The following EP400 variants were observed in gnomAD, a reference collection of about 807,000 sequenced individuals.
EP400 encodes E1A binding protein p400, also known as E1A-binding protein p400.
Under a neutral mutation model 354.1 loss-of-function variants are expected in EP400, and 105 were observed. The observed-to-expected ratio is 0.30, with a 90% CI of 0.25 to 0.35. The LOEUF is 0.35. Ranked by LOEUF, EP400 falls within the 10% of genes least tolerant of loss-of-function variation. The probability of loss-of-function intolerance (pLI) is 1.00; values close to 1 mark genes in which losing one functional copy is unlikely to be tolerated. For synonymous variants in EP400, 1,646 were observed against 1,716.9 expected (o/e 0.96, Z 1.02); for missense variants, 3,280 against 4,121.0 (o/e 0.80, Z 5.59).
rs541195428 is a variant in EP400, at chr12:132,036,275, C to G, written c.5952-1407C>G. Among the ~76,000 whole-genome samples the G allele has an allele frequency of 1.3e-4, 19 of 150,894 alleles. No homozygotes were observed. The East Asian group carries it at 3.7e-3, about 29-fold the overall frequency. On this transcript the variant is annotated intron_variant, in intron 30 of 52. Coordinates refer to ENST00000389561, the MANE Select transcript of EP400 (RefSeq NM_015409.5). ...TTCACACGGAACGTCGTGGGAAGGACACACCCAGGTTCGCACGGAATGTCG... is the reference window on the plus strand; with the variant it reads ...TTCACACGGAACGTCGTGGGAAGGAGACACCCAGGTTCGCACGGAATGTCG...
At chr12:131,953,374 A>G (rs1229744439) in intron 1 of EP400, among the ~76,000 whole-genome samples, 1 of 152,214 alleles carries the variant, frequency 6.6e-6, no homozygotes, top group Non-Finnish European at 1.5e-5. Context: ...GCTGAAATAG[A>G]TCCCACCTGT....
At chr12:132,016,728 G>T (rs1040063716) in intron 19 of EP400, among the ~76,000 whole-genome samples, 3 of 152,176 alleles carry the variant, frequency 2.0e-5, no homozygotes, top group African/African-American at 7.2e-5. Context: ...ACCTGCACTT[G>T]AGCTGACCCT....
At chr12:132,055,455 GGTGTGTGT>G (rs138515650) in intron 45 of EP400, among the ~76,000 whole-genome samples, 6 of 140,750 alleles carry the variant, frequency 4.3e-5, no homozygotes, top group South Asian at 2.4e-4. Context: ...GTGGTGTAGG[GGTGTGTGT>G]GTGTGTGTGT....
At chr12:131,976,517 G>C (rs1892479061) in intron 2 of EP400, among the ~76,000 whole-genome samples, 1 of 152,082 alleles carries the variant, frequency 6.6e-6, no homozygotes, top group Non-Finnish European at 1.5e-5. Context: ...TTTGAGACCA[G>C]CCTGGCCAAT....
chr12:132,030,054 T>C lies in EP400; in HGVS notation c.5650T>C (p.Leu1884=). 1 of 1,614,250 alleles carries C rather than the reference T, an allele frequency of 6.2e-7. No homozygotes were observed. The highest frequency in any genetic ancestry group is 1.1e-5 in the South Asian group (1 of 91,088). The change falls in exon 29 of 53, where the codon TTA becomes CTA. Residue 1884 remains leucine, a synonymous_variant. Coordinates refer to ENST00000389561, the MANE Select transcript of EP400 (RefSeq NM_015409.5). ...LKSEGRRVLI[L]SQMILMLDIL... ...ATCTGAAGGACGTCGGGTGCTGATT[T>C]TATCACAGATGATTCTTATGTTGGA... is the stretch of plus-strand genomic sequence containing the variant.
intron 7 of EP400, 93 bp downstream of exon 7, chr12:131,987,983 CTTTT>C (rs778740521): frequency 0.015 from 3,968 of 264,204 alleles, no homozygotes; most frequent in Middle Eastern, 0.027. Flanking sequence ...TCCAGACCCA[CTTTT>C]TTTTTTTTTT....
chr12:131,994,889 TGAA>T lies in EP400; in HGVS notation c.2763_2765del (p.Glu924del). 6.2e-7 allele frequency: 1 copy of T among 1,614,060 alleles called. No individual in the cohort carries two copies. On this transcript the variant is annotated inframe_deletion, in exon 12 of 53. Transcript: ENST00000389561. This position sits in a 1 kb window ranked among gnomAD's most constrained non-coding sequence, Gnocchi z 4.6. ...TAGTGGACGATGAAGAGGAAACAAT[TGAA>T]GAGGAGGAAGCAAATGAAGGCGTTG...
At chr12:132,011,354 G>A (rs1224709055) in intron 15 of EP400, 144 bp from the exon 16 acceptor site, 14 of 1,012,552 alleles carry the variant, frequency 1.4e-5, no homozygotes, top group Non-Finnish European at 1.9e-5. Flanking sequence ...GAATGCACTT[G>A]TTCCCCCCCA....
At chr12:131,953,835 G>A (rs1891600937) in intron 1 of EP400, among the ~76,000 whole-genome samples, 1 of 152,212 alleles carries the variant, frequency 6.6e-6, no homozygotes. Flanking sequence ...GTGGTTGGCT[G>A]GGTGGGGTGG....
chr12:132,077,571 C>A lies in EP400; in HGVS notation c.9270C>A (p.Ala3090=). ...PLQTPGAPNP[A]QVPASSDSPS... ...AGACTCCAGGCGCTCCCAACCCAGC[C>A]CAGGTGCCCGCCAGCTCCGACAGCC... Residue 3090 remains alanine, a synonymous_variant, in exon 53 of 53, where the codon GCC becomes GCA. Transcript: ENST00000389561. 1 of 1,613,906 alleles carries A rather than the reference C, an allele frequency of 6.2e-7. No individual in the cohort carries two copies. The highest frequency in any genetic ancestry group is 1.1e-5 in the South Asian group (1 of 91,074).
In EP400 at chr12:132,062,632, G is replaced by T; in HGVS notation, c.8265G>T (p.Val2755=). ...AACAGACGACGACGACCTCTCAGGTGCAAGTTCCACAGATCCAGGGCCAGG... is the reference window on the plus strand; with the variant it reads ...AACAGACGACGACGACCTCTCAGGTTCAAGTTCCACAGATCCAGGGCCAGG... ...QQQQTTTTSQ[V]QVPQIQGQAQ... is the part of the protein sequence containing the mutation. The change falls in exon 47 of 53, where the codon GTG becomes GTT. Residue 2755 remains valine (V), a synonymous_variant. Transcript: ENST00000389561. The T allele has an allele frequency of 4.3e-6, 7 of 1,614,074 alleles. No homozygotes were observed. The highest frequency in any genetic ancestry group is 5.9e-6 in the Non-Finnish European group (7 of 1,179,994).
intron 35 of EP400, 92 bp downstream of exon 35, chr12:132,044,403 G>T: frequency 1.3e-6 from 2 of 1,486,996 alleles, no homozygotes; most frequent in East Asian, 4.7e-5. Flanking sequence ...TGTGTACATT[G>T]ACATGAGAAA....
Position 131,986,613 on chromosome 12 carries a change from G to T in EP400, c.2029G>T (p.Gly677Cys). 1 of 1,613,880 alleles carries T rather than the reference G, an allele frequency of 6.2e-7. No individual in the cohort carries two copies. The highest frequency in any genetic ancestry group is 8.5e-7 in the Non-Finnish European group (1 of 1,180,002). Reference protein sequence around the residue: ...TSSLAPVSGSGPGPSPARSSP... With the variant: ...TSSLAPVSGSCPGPSPARSSP... ...GTCCCTCGCGCCTGTGAGTGGCTCC[G>T]GCCCAGGACCCTCCCCTGCTCGATC... Residue 677 changes from glycine to cysteine, a missense_variant, in exon 6 of 53, where the codon GGC becomes TGC. Around this residue, in one of 20 missense-constraint regions of EP400, gnomAD observed 800 missense variants for 840.0 expected, o/e 0.95. Coordinates refer to ENST00000389561, the MANE Select transcript of EP400 (RefSeq NM_015409.5).
rs2136587366 is a variant in EP400, at chr12:132,050,905, T to C, written c.7394+250T>C. On this transcript the variant is annotated intron_variant, in intron 41 of 52. Transcript: ENST00000389561. This position sits in a 1 kb window ranked among gnomAD's most constrained non-coding sequence, Gnocchi z 4.8. ...GCTGGCCCTCAGTGGGGAAAGACGC[T>C]GACAGATGTGATGAGTGTGCCAGGG... 1 of 574,432 alleles carries C rather than the reference T, an allele frequency of 1.7e-6. No homozygotes were observed. Among genetic ancestry groups the C allele is most frequent in the Non-Finnish European group, 3.1e-6 (1 of 321,318 alleles). The allele number at this position is 574,432 out of a possible 1,614,324, so 35.6% of individuals were successfully genotyped here.
At chr12:131,951,092 A>AT (rs1196978627) in intron 1 of EP400, among the ~76,000 whole-genome samples, 4 of 70,650 alleles carry the variant, frequency 5.7e-5, no homozygotes, top group Admixed American at 3.1e-4. Flanking sequence ...TTTTTTTTGG[A>AT]TTTTTAGTAG....
rs754941133 is a variant in EP400 at position 132,067,424 on chromosome 12, G to A, written c.8812G>A (p.Val2938Ile). ...QQLLKLKQQA[V>I]QQQKAIQPQA... ...GCTGCTGAAGCTGAAGCAGCAGGCC[G>A]TCCAGCAGCAGAAGGCCATCCAGCC... is the stretch of plus-strand genomic sequence containing the variant. Residue 2938 changes from valine (V) to isoleucine (I), a missense_variant, in exon 50 of 53, where the codon GTC (valine) becomes ATC (isoleucine). Around this residue, in one of 20 missense-constraint regions of EP400, gnomAD observed 279 missense variants for 386.7 expected, o/e 0.72. Transcript: ENST00000389561. The surrounding 1 kb of genome is among the most constrained non-coding windows in gnomAD (Gnocchi z 5.3). 27 of 1,613,340 alleles carry A rather than the reference G, an allele frequency of 1.7e-5. No individual in the cohort carries two copies. The highest frequency in any genetic ancestry group is 2.2e-5 in the East Asian group (1 of 44,880).
rs1441873296 is a variant in EP400, at chr12:132,067,295, C to A, written c.8750-67C>A. 187 of 1,573,940 alleles carry A rather than the reference C, an allele frequency of 1.2e-4. No individual in the cohort carries two copies. Among genetic ancestry groups the A allele is most frequent in the Non-Finnish European group, 1.6e-4 (182 of 1,157,474 alleles). ...TTCTGTAGAGGTGAGTCAGTTGGAA[C>A]AGAGCTTGGCGTGAGCCTCAAGCTC... On this transcript the variant is annotated intron_variant, in intron 49 of 52. Transcript: ENST00000389561. The surrounding 1 kb of genome is among the most constrained non-coding windows in gnomAD (Gnocchi z 5.3).
intron 39 of EP400, among the ~76,000 whole-genome samples, chr12:132,046,251 A>G (rs1280388503): frequency 6.6e-6 from 1 of 152,122 alleles, no homozygotes; most frequent in Non-Finnish European, 1.5e-5. Context: ...GGCCATATAT[A>G]TATACATTTT....
intron 15 of EP400, 151 bp from the exon 16 acceptor site, chr12:132,011,347 T>C (rs963700396): frequency 6.4e-6 from 6 of 936,196 alleles, no homozygotes; most frequent in Admixed American, 5.4e-5. Context: ...TCCAGATGAA[T>C]GCACTTGTTC....
Sources: allele counts gnomAD v4.1 joint callset (sites outside exome capture counted in the v4.1 genomes callset), GRCh38; gene constraint gnomAD v4.1.1; regional missense constraint gnomAD v4.1.1; non-coding constraint Gnocchi (gnomAD v3.1); transcripts MANE v1.5; gene names NCBI Gene and HGNC (gene_info 2026-07-23, HGNC 2026-07-21).